The following RP1L1 variants were observed in gnomAD, a reference collection of about 807,000 sequenced individuals.
The protein encoded by RP1L1 is RP1 like 1.
A neutral mutation model predicts 15.7 loss-of-function variants in RP1L1; 27 were observed. The observed-to-expected ratio is 1.72, with a 90% CI of 1.27 to 2.38. The LOEUF (loss-of-function observed/expected upper bound fraction) is 2.38, where lower values mean the gene tolerates loss of function less well. RP1L1 is among the 30% of genes most tolerant of loss of function. RP1L1 has a pLI of 0.00. For synonymous variants in RP1L1, 1,813 were observed against 1,276.7 expected (o/e 1.42, Z -8.96); for missense variants, 4,798 against 3,075.9 (o/e 1.56, Z -13.24).
At chr8:10,652,253 T>C (rs1284475314) in intron 1 of RP1L1, among the ~76,000 whole-genome samples, 1 of 152,160 alleles carries the variant, frequency 6.6e-6, no homozygotes, top group Non-Finnish European at 1.5e-5. Flanking sequence ...GAAATGATTT[T>C]AGGATCAAGA....
In RP1L1 at chr8:10,611,515, G is replaced by C. The variant is rs191393277; in HGVS notation, c.2583C>G (p.Pro861=). The part of the protein sequence containing the change: ...RYCPTPPRGR[P]CPQRRSSSCG... ...AGCTGGAAGAGCGCCTCTGGGGGCA[G>C]GGCCGCCCCCTGGGCGGGGTGGGAC... Residue 861 remains proline (P), a synonymous_variant, in exon 4 of 4, where the codon CCC becomes CCG. Transcript: ENST00000382483. 1.3e-6 allele frequency: 2 copies of C among 1,580,146 alleles called. No individual in the cohort carries two copies. The highest frequency in any genetic ancestry group is 1.7e-6 in the Non-Finnish European group (2 of 1,164,556).
rs1006858155 is a variant in RP1L1, at chr8:10,622,801, C to T, written c.401G>A (p.Gly134Asp). The T allele has an allele frequency of 1.5e-5, 24 of 1,613,780 alleles. No homozygotes were observed. The highest frequency in any genetic ancestry group is 1.9e-5 in the Non-Finnish European group (23 of 1,179,922). The change falls in exon 2 of 4, where the codon GGC (glycine) becomes GAC (aspartate). Residue 134 changes from glycine to aspartate, a missense_variant. Physicochemically the swap from Gly to Asp is moderately conservative, Grantham distance 94. Transcript: ENST00000382483. ...PTAQQLRDVE[G>D]QREAPGTSSS... ...GGAGGTGCCTGGGGCTTCACGCTGG[C>T]CTTCGACATCCCGCAACTGCTGAGC...
Position 10,609,698 on chromosome 8 carries a change from C to G in RP1L1, c.4400G>C (p.Arg1467Thr), listed in dbSNP as rs1421776865. ...AGGCTCAAGCTGGGAGCCACTCTGC[C>G]TCTCGCTGGCACTTGGGTCCGTCTC... Reference protein sequence around the residue: ...LSETDPSASERQSGSQLEPGL... With the variant: ...LSETDPSASETQSGSQLEPGL... The change falls in exon 4 of 4, where the codon AGG becomes ACG. Residue 1467 changes from arginine (R) to threonine (T), a missense_variant. By Grantham distance (71) the Arg-to-Thr change is moderately conservative. Transcript: ENST00000382483. 1 of 1,612,992 alleles carries G rather than the reference C, an allele frequency of 6.2e-7. No individual in the cohort carries two copies. The highest frequency in any genetic ancestry group is 8.5e-7 in the Non-Finnish European group (1 of 1,179,684).
In RP1L1 at chr8:10,622,092, C is replaced by T. The variant is rs180930740; in HGVS notation, c.609+501G>A. ...ATCCCAGCACTTTGGGAGGCCGAAT[C>T]GGGCAGATCACCTGAGGTTGGGAGT... On this transcript the variant is annotated intron_variant, in intron 2 of 3. Transcript: ENST00000382483. 1.8e-3 allele frequency among the ~76,000 whole-genome samples: 279 copies of T among 152,096 alleles called. 2 individuals are homozygous for T. The highest frequency in any genetic ancestry group is 1.4e-3 in the Non-Finnish European group (98 of 67,986).
Position 10,606,788 on chromosome 8 carries a change from T to C in RP1L1, c.*107A>G. On this transcript the variant is annotated 3_prime_UTR_variant, in exon 4 of 4. Coordinates refer to ENST00000382483, the MANE Select transcript of RP1L1 (RefSeq NM_178857.6). ...TTGGCAAGTCCTTGGTCTTTGTCCA[T>C]GTACTATGGACATCTCCAGTGGACT... The C allele has an allele frequency of 7.0e-6, 11 of 1,570,294 alleles. No individual in the cohort carries two copies. The highest frequency in any genetic ancestry group is 9.5e-6 in the Non-Finnish European group (11 of 1,163,784).
intron 1 of RP1L1, among the ~76,000 whole-genome samples, chr8:10,639,807 T>C (rs1450474149): frequency 6.6e-6 from 1 of 152,160 alleles, no homozygotes; most frequent in Non-Finnish European, 1.5e-5. Context: ...CACGACAAAT[T>C]TGAAAGATGA....
chr8:10,613,195 G>T lies in RP1L1; in HGVS notation c.903C>A (p.Gly301=), dbSNP rs1797908076. ...RHPQDTPAQS[G]PLVAGDDMKK... ...TCATGTCATCGCCAGCCACCAGCGG[G>T]CCCGACTGAGCTGGCGTGTCCTGAG... is the stretch of plus-strand genomic sequence containing the variant. Residue 301 remains glycine (G), a synonymous_variant, in exon 4 of 4, where the codon GGC becomes GGA. Transcript: ENST00000382483. 1.9e-6 allele frequency: 3 copies of T among 1,613,582 alleles called. No individual in the cohort carries two copies. The highest frequency in any genetic ancestry group is 1.7e-6 in the Non-Finnish European group (2 of 1,180,008).
At chr8:10,626,338 C>T (rs1309560317) in intron 1 of RP1L1, among the ~76,000 whole-genome samples, 1 of 152,162 alleles carries the variant, frequency 6.6e-6, no homozygotes, top group South Asian at 2.1e-4. Context: ...AGGGCTGCTG[C>T]GAGACCTTGA....
chr8:10,612,269 G>A lies in RP1L1; in HGVS notation c.1829C>T (p.Pro610Leu), dbSNP rs747922874. 6 of 1,613,240 alleles carry A rather than the reference G, an allele frequency of 3.7e-6. No individual in the cohort carries two copies. Among genetic ancestry groups the A allele is most frequent in the Middle Eastern group, 1.6e-4 (1 of 6,062 alleles). Residue 610 changes from proline (P) to leucine (L), a missense_variant, in exon 4 of 4, where the codon CCT becomes CTT. Transcript: ENST00000382483. Reference sequence around the variant, plus strand: ...GGAGCAGGAAAGGCCCAGAACCAGAGGCTCCCTTGTCACAGCCGCTCCCGT... The same window carrying A: ...GGAGCAGGAAAGGCCCAGAACCAGAAGCTCCCTTGTCACAGCCGCTCCCGT... ...QATGAAVTRE[P>L]LVLGLSCSWD...
At chr8:10,622,475 T>C (rs1798075912) in intron 2 of RP1L1, 118 bp downstream of exon 2, 2 of 1,332,438 alleles carry the variant, frequency 1.5e-6, no homozygotes, top group Non-Finnish European at 2.2e-6. Flanking sequence ...TCACCTTTAA[T>C]TAGCAGCAGG....
chr8:10,607,333 G>A lies in RP1L1; in HGVS notation c.6765C>T (p.Val2255=). The change falls in exon 4 of 4, where the codon GTC becomes GTT. Residue 2255 remains valine, a synonymous_variant. Transcript: ENST00000382483. ...TQGEKKGSPQ[V]SLGDGQSEEA... ...CCTCAGATTGGCCATCTCCTAGACTGACCTGAGGGCTCCCCTTTTTCTCAC... is the reference window on the plus strand; with the variant it reads ...CCTCAGATTGGCCATCTCCTAGACTAACCTGAGGGCTCCCCTTTTTCTCAC... 6.2e-7 allele frequency: 1 copy of A among 1,614,196 alleles called. No individual in the cohort carries two copies. Among genetic ancestry groups the A allele is most frequent in the Non-Finnish European group, 8.5e-7 (1 of 1,180,034 alleles).
intron 1 of RP1L1, among the ~76,000 whole-genome samples, chr8:10,646,749 G>A (rs557951897): frequency 2.6e-5 from 4 of 152,180 alleles, no homozygotes; most frequent in Admixed American, 6.5e-5. Context: ...TACTAGCTAC[G>A]TGACTTTAGG....
chr8:10,611,813 C>T lies in RP1L1; in HGVS notation c.2285G>A (p.Trp762Ter). The T allele has an allele frequency of 6.2e-7, 1 of 1,613,694 alleles. No individual in the cohort carries two copies. The highest frequency in any genetic ancestry group is 1.1e-5 in the South Asian group (1 of 91,084). The change falls in exon 4 of 4, where the codon TGG becomes TAG. Residue 762 changes from tryptophan (W) to a stop codon, truncating the protein, a stop_gained. Transcript: ENST00000382483. LOFTEE classifies it low-confidence loss of function (END_TRUNC). The stretch of plus-strand genomic sequence containing the variant: ...TGTCCTGGACCCCGCGTCCCCTGCC[C>T]ACCCGGCAGAGGGAGCGTTGTGCGG... ...VSPHNAPSAG[W>*]AGDAGSRTCS...
rs543094284 is a variant in RP1L1, at chr8:10,611,606, G to A, written c.2492C>T (p.Thr831Met). 1.2e-5 allele frequency: 20 copies of A among 1,612,492 alleles called. No homozygotes were observed. In the Admixed American group the frequency reaches 1.5e-4, roughly 12 times the overall value. ...HRSHCCSQPG[T>M]QPAQEAQRGP... ...CCGCTGGGCCTCTTGGGCCGGCTGC[G>A]TCCCAGGCTGTGAGCAGCAGTGGCT... The change falls in exon 4 of 4, where the codon ACG (threonine) becomes ATG (methionine). Residue 831 changes from threonine (T) to methionine (M), a missense_variant. Physicochemically the swap from Thr to Met is moderately conservative, Grantham distance 81. Transcript: ENST00000382483.
Position 10,622,706 on chromosome 8 carries a change from G to T in RP1L1, c.496C>A (p.Gln166Lys). The change falls in exon 2 of 4, where the codon CAG becomes AAG. Residue 166 changes from glutamine (Q) to lysine (K), a missense_variant. Coordinates refer to ENST00000382483, the MANE Select transcript of RP1L1 (RefSeq NM_178857.6). Reference protein sequence around the residue: ...LIKNMDPRLQQTVVLSHRNTR... With the variant: ...LIKNMDPRLQKTVVLSHRNTR... ...TTCCTGTGACTGAGAACCACTGTCT[G>T]CTGGAGGCGAGGGTCCATGTTCTTA... 1 of 1,614,182 alleles carries T rather than the reference G, an allele frequency of 6.2e-7. No homozygotes were observed.
In RP1L1 at chr8:10,616,521, T is replaced by C. The variant is rs1349310275; in HGVS notation, c.676A>G (p.Arg226Gly). Residue 226 changes from arginine to glycine, a missense_variant, in exon 3 of 4, where the codon AGA becomes GGA. Transcript: ENST00000382483. ...CTGGCATTTTTCATGGCTGGGGTTC[T>C]GAAGGCCTCATGCCCGGCACACACC... ...VLVCAGHEAF[R>G]TPAMKNARRS... is the part of the protein sequence containing the mutation. 6.2e-7 allele frequency: 1 copy of C among 1,614,208 alleles called. No individual in the cohort carries two copies. Among genetic ancestry groups the C allele is most frequent in the Middle Eastern group, 1.6e-4 (1 of 6,062 alleles).
intron 1 of RP1L1, among the ~76,000 whole-genome samples, chr8:10,629,370 A>G (rs1798206971): frequency 6.6e-6 from 1 of 152,186 alleles, no homozygotes; most frequent in Admixed American, 6.5e-5. Flanking sequence ...AGTCACAGAT[A>G]GATGGAGCAA....
rs377646678 is a variant in RP1L1, at chr8:10,607,140, G to A, written c.6958C>T (p.Leu2320Phe). The part of the protein sequence containing the change: ...WQKDSENDHV[L>F]GDTRSPDAKS... ...GCATCAGGGCTCCTTGTGTCTCCAA[G>A]TACATGGTCATTTTCTGAGTCTTTC... The change falls in exon 4 of 4, where the codon CTT becomes TTT. Residue 2320 changes from leucine (L) to phenylalanine (F), a missense_variant. By Grantham distance (22) the Leu-to-Phe change is conservative. Coordinates refer to ENST00000382483, the MANE Select transcript of RP1L1 (RefSeq NM_178857.6). 1.4e-5 allele frequency: 22 copies of A among 1,614,126 alleles called. No individual in the cohort carries two copies. Among genetic ancestry groups the A allele is most frequent in the Non-Finnish European group, 1.7e-5 (20 of 1,180,050 alleles).
intron 2 of RP1L1, among the ~76,000 whole-genome samples, chr8:10,617,736 T>G (rs533984172): frequency 6.6e-6 from 1 of 151,934 alleles, no homozygotes; most frequent in Non-Finnish European, 1.5e-5. Flanking sequence ...TTTTGTATTT[T>G]TAGTAGAGAC....
Sources: gnomAD v4.1 joint callset for allele counts (sites outside exome capture counted in the v4.1 genomes callset) on GRCh38, gnomAD v4.1.1 for gene constraint, MANE v1.5 for transcripts, NCBI Gene and HGNC (gene_info 2026-07-23, HGNC 2026-07-21) for gene names.